Variants in DIDO1 observed in about 807,000 individuals in gnomAD.
DIDO1 encodes death-inducer obliterator 1.
In DIDO1, 16 loss-of-function variants were observed where a neutral mutation model predicts 99.4. That is an observed-to-expected ratio of 0.16 (90% confidence interval 0.11 to 0.24). The LOEUF is 0.24. Ranked by LOEUF, DIDO1 falls within the 10% of genes least tolerant of loss-of-function variation. The pLI is 1.00. For synonymous variants in DIDO1, 1,366 were observed against 1,239.1 expected (o/e 1.10, Z -2.15); for missense variants, 2,996 against 3,014.0 (o/e 0.99, Z 0.14).
At chr20:62,937,522 C>T (rs574279391) in intron 1 of DIDO1, among the ~76,000 whole-genome samples, 4 of 152,372 alleles carry the variant, frequency 2.6e-5, no homozygotes, top group Admixed American at 2.6e-4. Flanking sequence ...GGGCAGGGCC[C>T]TTCTGATTCC....
chr20:62,924,338 A>G (rs1006024918), intron 1 of DIDO1, among the ~76,000 whole-genome samples: 1 of 152,228 alleles, frequency 6.6e-6, no homozygotes, highest in Non-Finnish European at 1.5e-5. Flanking sequence ...GTAGGGAGTC[A>G]CCTGTTAAAC....
chr20:62,937,174 T>C (rs1429851061), intron 1 of DIDO1, among the ~76,000 whole-genome samples: 1 of 152,204 alleles, frequency 6.6e-6, no homozygotes, highest in Non-Finnish European at 1.5e-5. Flanking sequence ...CGTGAATTCC[T>C]CACAGATGAA....
Position 62,879,467 on chromosome 20 carries a change from G to T in DIDO1, c.6489C>A (p.Ala2163=). 1.9e-6 allele frequency: 3 copies of T among 1,569,780 alleles called. No homozygotes were observed. Among genetic ancestry groups the T allele is most frequent in the Non-Finnish European group, 2.6e-6 (3 of 1,164,924 alleles). ...RSANRDRERE[A]DRGKEWDRSR... The stretch of plus-strand genomic sequence containing the variant: ...TGCGGTCCCACTCCTTGCCCCGGTC[G>T]GCCTCGCGCTCTCGGTCGCGGTTGG... Residue 2163 remains alanine, a synonymous_variant, in exon 16 of 16, where the codon GCC becomes GCA. Coordinates refer to ENST00000395343, the MANE Select transcript of DIDO1 (RefSeq NM_001193369.2). The surrounding 1 kb of genome is among the most constrained non-coding windows in gnomAD (Gnocchi z 6.3).
chr20:62,895,121 T>C lies in DIDO1; in HGVS notation c.2259A>G (p.Lys753=). The part of the protein sequence containing the change: ...RVLREEISLA[K]LVRLKPEELV... ...GTTCTTCTGGCTTCAGTCTCACAAG[T>C]TTCGCCAAAGAGATTTCCTCACGCA... Residue 753 remains lysine (K), a synonymous_variant, in exon 9 of 16, where the codon AAA becomes AAG. Transcript: ENST00000395343. 1 of 1,612,280 alleles carries C rather than the reference T, an allele frequency of 6.2e-7. No individual in the cohort carries two copies. Among genetic ancestry groups the C allele is most frequent in the Non-Finnish European group, 8.5e-7 (1 of 1,178,480 alleles).
chr20:62,904,890 G>T, intron 6 of DIDO1: 1 of 768,226 alleles, frequency 1.3e-6, no homozygotes, highest in Non-Finnish European at 1.6e-6. Context: ...TCTGCTCAAA[G>T]TCTGACGACG....
intron 6 of DIDO1, among the ~76,000 whole-genome samples, chr20:62,897,786 C>A (rs967646610): frequency 2.0e-5 from 3 of 152,178 alleles, no homozygotes; most frequent in African/African-American, 4.8e-5. Context: ...CGTCAGAGCC[C>A]AAAGGCCCTC....
rs775496928 is a variant in DIDO1, at chr20:62,879,626, G to A, written c.6330C>T (p.Ser2110=). The A allele has an allele frequency of 6.2e-7, 1 of 1,605,328 alleles. No homozygotes were observed. Residue 2110 remains serine (S), a synonymous_variant, in exon 16 of 16, where the codon TCC becomes TCT. Coordinates refer to ENST00000395343, the MANE Select transcript of DIDO1 (RefSeq NM_001193369.2). This position sits in a 1 kb window ranked among gnomAD's most constrained non-coding sequence, Gnocchi z 6.3. ...GCTCGCGCTCTCTCCTCCTGTCCTC[G>A]GACGCCCGGCCCTGGGCGTCGGGCT... ...LEEPDAQGRA[S]EDRRRERERG...
chr20:62,925,478 A>G (rs1167489723), intron 1 of DIDO1, among the ~76,000 whole-genome samples: 1 of 152,248 alleles, frequency 6.6e-6, no homozygotes, highest in Non-Finnish European at 1.5e-5. Context: ...TAAGTCCCTG[A>G]GTACACTAGG....
rs2147347379 is a variant in DIDO1, at chr20:62,881,194, C to G, written c.4762G>C (p.Gly1588Arg). 6.2e-7 allele frequency: 1 copy of G among 1,607,512 alleles called. No individual in the cohort carries two copies. Among genetic ancestry groups the G allele is most frequent in the African/African-American group, 1.3e-5 (1 of 75,030 alleles). ...GAAGCATCTCTCTCGGGCAGGGCAC[C>G]CTGGGCACCACGTGCCGAGAGCCTG... Reference protein sequence around the residue: ...LSRLSARGAQGALPERDASRG... With the variant: ...LSRLSARGAQRALPERDASRG... Residue 1588 changes from glycine (G) to arginine (R), a missense_variant, in exon 16 of 16, where the codon GGT becomes CGT. Gly to Arg is a moderately radical substitution (Grantham distance 125). Around this residue, in one of 5 missense-constraint regions of DIDO1, gnomAD observed 1,562 missense variants for 1,412.6 expected, o/e 1.11. Transcript: ENST00000395343. The surrounding 1 kb of genome is among the most constrained non-coding windows in gnomAD (Gnocchi z 8.3).
rs775196402 is a variant in DIDO1, at chr20:62,881,030, G to A, written c.4926C>T (p.Thr1642=). The A allele has an allele frequency of 3.7e-5, 59 of 1,604,952 alleles. 1 individual carries two copies. The highest frequency in any genetic ancestry group is 2.1e-4 in the South Asian group (19 of 90,770). ...AGCTGTCTCCAACCGTGGCGGGGCGGGTGCCCTCCCCAGGCTCTGCCTTCC... is the reference window on the plus strand; with the variant it reads ...AGCTGTCTCCAACCGTGGCGGGGCGAGTGCCCTCCCCAGGCTCTGCCTTCC... ...DGWKAEPGEG[T]RPATVGDSSA... is the part of the protein sequence containing the mutation. Residue 1642 remains threonine, a synonymous_variant, in exon 16 of 16, where the codon ACC becomes ACT. Coordinates refer to ENST00000395343, the MANE Select transcript of DIDO1 (RefSeq NM_001193369.2). The surrounding 1 kb of genome is among the most constrained non-coding windows in gnomAD (Gnocchi z 8.3).
rs1038961679 is a variant in DIDO1, at chr20:62,878,204, A to G, written c.*1029T>C. 7 of 152,248 alleles carry G rather than the reference A, an allele frequency of 4.6e-5. No homozygotes were observed. Among genetic ancestry groups the G allele is most frequent in the Non-Finnish European group, 8.8e-5 (6 of 68,042 alleles). 9.4% of individuals were successfully genotyped at this position (152,248 alleles called of 1,614,324 possible). A position where few individuals can be genotyped will look rare whatever the true frequency, so the allele number is the denominator to read the frequency against. ...TATCAAAGTGTATTTGTACAAATAAATTAGCCAGATTTTTTTACTTCACAC... is the reference window on the plus strand; with the variant it reads ...TATCAAAGTGTATTTGTACAAATAAGTTAGCCAGATTTTTTTACTTCACAC... On this transcript the variant is annotated 3_prime_UTR_variant, in exon 16 of 16. Coordinates refer to ENST00000395343, the MANE Select transcript of DIDO1 (RefSeq NM_001193369.2).
At chr20:62,918,292 T>C (rs1361880438) in intron 1 of DIDO1, among the ~76,000 whole-genome samples, 1 of 152,240 alleles carries the variant, frequency 6.6e-6, no homozygotes, top group African/African-American at 2.4e-5. Context: ...TTGAAGTCAT[T>C]AACTCAAGCG....
At chr20:62,900,212 C>T (rs1383768107) in intron 6 of DIDO1, among the ~76,000 whole-genome samples, 1 of 152,228 alleles carries the variant, frequency 6.6e-6, no homozygotes, top group Non-Finnish European at 1.5e-5. Context: ...CTCTCTGCCC[C>T]TTGGTCGCAG....
At position 62,896,053 on chromosome 20, in the gene DIDO1, G is replaced by T. The variant is rs943085777; in HGVS notation, c.2214+180C>A. ...CCCTAGTTAAGGCAGGGAAGGGAAGGGGTTTCCAGGACGCTCAACGCCAGT... is the reference window on the plus strand; with the variant it reads ...CCCTAGTTAAGGCAGGGAAGGGAAGTGGTTTCCAGGACGCTCAACGCCAGT... On this transcript the variant is annotated intron_variant, in intron 8 of 15. Coordinates refer to ENST00000395343, the MANE Select transcript of DIDO1 (RefSeq NM_001193369.2). The surrounding 1 kb of genome is among the most constrained non-coding windows in gnomAD (Gnocchi z 4.4). Among the ~76,000 whole-genome samples the T allele has an allele frequency of 1.3e-5, 2 of 152,176 alleles. No individual in the cohort carries two copies. Among genetic ancestry groups the T allele is most frequent in the Non-Finnish European group, 2.9e-5 (2 of 68,026 alleles).
chr20:62,905,633 T>C (rs1194488042), intron 6 of DIDO1: 1 of 1,558,050 alleles, frequency 6.4e-7, no homozygotes, highest in Non-Finnish European at 8.7e-7. Flanking sequence ...AAAGAATCAA[T>C]CATTAAGGTG....
Position 62,896,168 on chromosome 20 carries a change from T to C in DIDO1, c.2214+65A>G, listed in dbSNP as rs979846920. The C allele has an allele frequency of 1.1e-5, 16 of 1,470,164 alleles. No homozygotes were observed. In the Admixed American group the frequency reaches 1.7e-4, roughly 16 times the overall value. The allele number at this position is 1,470,164 out of a possible 1,614,324, so 91.1% of individuals were successfully genotyped here. ...GGACACGAACATCTCAAAATATTGG[T>C]TGATCCCTTTAGCACCCAGCGAACA... is the stretch of plus-strand genomic sequence containing the variant. On this transcript the variant is annotated intron_variant, in intron 8 of 15. Transcript: ENST00000395343. This position sits in a 1 kb window ranked among gnomAD's most constrained non-coding sequence, Gnocchi z 4.4.
intron 1 of DIDO1, among the ~76,000 whole-genome samples, chr20:62,931,967 T>C (rs908607740): frequency 6.6e-6 from 1 of 152,230 alleles, no homozygotes; most frequent in African/African-American, 2.4e-5. Flanking sequence ...AGAAAGAGTG[T>C]GTTTGGAGGA....
intron 1 of DIDO1, among the ~76,000 whole-genome samples, chr20:62,937,310 G>A (rs758950653): frequency 1.3e-5 from 2 of 152,268 alleles, no homozygotes; most frequent in African/African-American, 2.4e-5. Flanking sequence ...TGAGCGGACA[G>A]GCAATAAGCA....
chr20:62,879,533 C>T lies in DIDO1; in HGVS notation c.6423G>A (p.Lys2141=), dbSNP rs1251532713. The T allele has an allele frequency of 1.2e-6, 2 of 1,600,306 alleles. No homozygotes were observed. The highest frequency in any genetic ancestry group is 1.7e-5 in the Admixed American group (1 of 59,924). ...RPREWDRHRD[K]DSSRDWDRNR... ...TTCTGTCCCAGTCCCGGCTGGAGTC[C>T]TTGTCCCGGTGTCGGTCCCACTCCC... The change falls in exon 16 of 16, where the codon AAG becomes AAA. Residue 2141 remains lysine, a synonymous_variant. Coordinates refer to ENST00000395343, the MANE Select transcript of DIDO1 (RefSeq NM_001193369.2). This position sits in a 1 kb window ranked among gnomAD's most constrained non-coding sequence, Gnocchi z 6.3.
Sources: allele counts gnomAD v4.1 joint callset (sites outside exome capture counted in the v4.1 genomes callset), GRCh38; gene constraint gnomAD v4.1.1; regional missense constraint gnomAD v4.1.1; non-coding constraint Gnocchi (gnomAD v3.1); transcripts MANE v1.5; gene names NCBI Gene and HGNC (gene_info 2026-07-23, HGNC 2026-07-21).